UNC80: variants seen among roughly 807,000 people sequenced by gnomAD.
UNC80 encodes the protein unc-80 subunit of NALCN channel complex.
In UNC80, 164 loss-of-function variants were observed where a neutral mutation model predicts 384.6. The observed-to-expected ratio is 0.43, with a 90% CI of 0.38 to 0.49. UNC80 has a LOEUF of 0.49. UNC80 is among the 20% of genes least tolerant of loss of function. The pLI, the probability that UNC80 is intolerant of heterozygous loss-of-function variation, is 0.00. For synonymous variants in UNC80, 1,486 were observed against 1,527.8 expected (o/e 0.97, Z 0.64); for missense variants, 3,330 against 4,143.0 (o/e 0.80, Z 5.39).
chr2:209,972,143 A>G, intron 54 of UNC80, 58 bp from the exon 55 acceptor site: 1 of 1,530,768 alleles, frequency 6.5e-7, no homozygotes, highest in South Asian at 1.2e-5. Context: ...GTGTAAAAAC[A>G]AACATACTAA....
chr2:209,942,616 T>A (rs1249002833), intron 44 of UNC80, among the ~76,000 whole-genome samples: 1 of 152,176 alleles, frequency 6.6e-6, no homozygotes, highest in Non-Finnish European at 1.5e-5. Flanking sequence ...CAAAGTTAAG[T>A]TTGCTCAACC....
rs377308612 is a variant in UNC80, at chr2:209,982,328, A to G, written c.9257+11A>G. 375 of 1,549,160 alleles carry G rather than the reference A, an allele frequency of 2.4e-4. 2 individuals carry two copies. Among genetic ancestry groups the G allele is most frequent in the South Asian group, 1.4e-3 (115 of 83,706 alleles). On this transcript the variant is annotated intron_variant, in intron 60 of 64. Coordinates refer to ENST00000673920, the MANE Select transcript of UNC80 (RefSeq NM_001371986.1). ...GCTACCCAGCCAGAGGTAAACAGCT[A>G]TGGTTATACTGTACTCTGCATTTGG...
chr2:209,967,686 A>C, intron 52 of UNC80, 49 bp downstream of exon 52: 1 of 1,531,572 alleles, frequency 6.5e-7, no homozygotes, highest in Admixed American at 2.0e-5. Flanking sequence ...GTCAAAGTTA[A>C]GATTTGTCAT....
At chr2:209,991,677 CAT>C (rs751321665) in intron 61 of UNC80, among the ~76,000 whole-genome samples, 11 of 152,212 alleles carry the variant, frequency 7.2e-5, no homozygotes, top group African/African-American at 1.7e-4. Context: ...AGGCTGCAAA[CAT>C]GTGTTGAATG....
chr2:209,881,013 A>G lies in UNC80; in HGVS notation c.4029A>G (p.Ala1343=). 6.4e-7 allele frequency: 1 copy of G among 1,551,972 alleles called. No homozygotes were observed. Among genetic ancestry groups the G allele is most frequent in the Non-Finnish European group, 8.7e-7 (1 of 1,147,044 alleles). ...CGCPFALKMA[A]CQLLLEITTF... ...GCCCCTTTGCCTTGAAGATGGCAGC[A>G]TGTCAGCTTCTTCTGGAGATTACCA... Residue 1343 remains alanine (A), a synonymous_variant, in exon 25 of 65, where the codon GCA becomes GCG. Coordinates refer to ENST00000673920, the MANE Select transcript of UNC80 (RefSeq NM_001371986.1).
chr2:209,815,117 C>T (rs757460805), intron 8 of UNC80, 140 bp from the exon 9 acceptor site: 1 of 738,594 alleles, frequency 1.4e-6, no homozygotes, highest in South Asian at 3.6e-5. Flanking sequence ...ATTTGGATTC[C>T]AGAAGTCCAG....
chr2:209,775,881 A>G lies in UNC80; in HGVS notation c.142-8A>G, dbSNP rs776924665. 1 of 1,609,028 alleles carries G rather than the reference A, an allele frequency of 6.2e-7. No individual in the cohort carries two copies. The stretch of plus-strand genomic sequence containing the variant: ...CTTTTCTTATTGTTTTTGTTTTTGT[A>G]TTTACAGTCCTTTGAGCGAGTGTTG... On this transcript the variant is annotated splice_polypyrimidine_tract_variant and splice_region_variant and intron_variant, in intron 2 of 64. Coordinates refer to ENST00000673920, the MANE Select transcript of UNC80 (RefSeq NM_001371986.1).
chr2:209,879,681 T>C (rs2085108731), intron 24 of UNC80, among the ~76,000 whole-genome samples: 1 of 152,190 alleles, frequency 6.6e-6, no homozygotes, highest in Non-Finnish European at 1.5e-5. Flanking sequence ...AAGACACATA[T>C]AAGATTGATA....
chr2:209,914,354 A>G (rs1043175967), intron 31 of UNC80, among the ~76,000 whole-genome samples: 1 of 152,230 alleles, frequency 6.6e-6, no homozygotes, highest in Admixed American at 6.5e-5. Context: ...AATGTATTAA[A>G]ATGTAAGTGA....
chr2:209,853,109 A>C (rs1476412685), intron 22 of UNC80, among the ~76,000 whole-genome samples: 2 of 152,062 alleles, frequency 1.3e-5, no homozygotes, highest in African/African-American at 4.8e-5. Flanking sequence ...AGATTCCGCC[A>C]TTTCATCAAA....
At position 209,842,364 on chromosome 2, in the gene UNC80, T is replaced by G. The variant is rs199664663; in HGVS notation, c.3372T>G (p.Ser1124Arg). 3.8e-4 allele frequency: 595 copies of G among 1,550,762 alleles called. 6 individuals are homozygous for G. Among genetic ancestry groups the G allele is most frequent in the Non-Finnish European group, 8.2e-5 (94 of 1,146,548 alleles). Reference protein sequence around the residue: ...IRQSSKVKFTSAVKLSEGGPG... With the variant: ...IRQSSKVKFTRAVKLSEGGPG... ...TCTTTTTTCAGGTCAAATTCACTAG[T>G]GCTGTGAAGCTTTCTGAAGGTGGGC... The change falls in exon 21 of 65, where the codon AGT becomes AGG. Residue 1124 changes from serine to arginine, a missense_variant. Around this residue, in one of 8 missense-constraint regions of UNC80, gnomAD observed 801 missense variants for 950.8 expected, o/e 0.84. Coordinates refer to ENST00000673920, the MANE Select transcript of UNC80 (RefSeq NM_001371986.1).
intron 23 of UNC80, among the ~76,000 whole-genome samples, chr2:209,873,306 T>G (rs531771881): frequency 6.6e-6 from 1 of 152,344 alleles, no homozygotes; most frequent in Non-Finnish European, 1.5e-5. Flanking sequence ...ATTGCTATAT[T>G]CATCAAGAAT....
chr2:209,911,391 C>G (rs1272013435), intron 29 of UNC80, among the ~76,000 whole-genome samples: 1 of 152,116 alleles, frequency 6.6e-6, no homozygotes, highest in Admixed American at 6.6e-5. Flanking sequence ...ATATGTGTTC[C>G]CACATATGCA....
At position 209,967,595 on chromosome 2, in the gene UNC80, T is replaced by G; in HGVS notation, c.7964T>G (p.Leu2655Trp). The change falls in exon 52 of 65, where the codon TTG becomes TGG. Residue 2655 changes from leucine (L) to tryptophan (W), a missense_variant. Physicochemically the swap from Leu to Trp is moderately conservative, Grantham distance 61. Transcript: ENST00000673920. ...RPALILILKRLDRMFNKIHKM... is the reference protein window; with the variant it reads ...RPALILILKRWDRMFNKIHKM... ...GCCCTCATCCTCATTTTAAAAAGAT[T>G]GGATAGAATGTTCAACAAAATTCAT... 6.4e-7 allele frequency: 1 copy of G among 1,551,614 alleles called. No individual in the cohort carries two copies. Among genetic ancestry groups the G allele is most frequent in the Non-Finnish European group, 8.7e-7 (1 of 1,146,962 alleles).
At chr2:209,911,096 G>T (rs1036796162) in intron 29 of UNC80, among the ~76,000 whole-genome samples, 2 of 152,128 alleles carry the variant, frequency 1.3e-5, no homozygotes, top group Non-Finnish European at 2.9e-5. Flanking sequence ...TTACAATCAT[G>T]GTGGAAGGCA....
intron 3 of UNC80, among the ~76,000 whole-genome samples, chr2:209,776,764 T>A (rs1056175498): frequency 6.6e-6 from 1 of 152,250 alleles, no homozygotes; most frequent in Non-Finnish European, 1.5e-5. Context: ...GTACTGTGTA[T>A]GAGTATGTGT....
intron 5 of UNC80, among the ~76,000 whole-genome samples, chr2:209,788,145 G>C (rs1056060037): frequency 1.3e-5 from 2 of 152,152 alleles, no homozygotes; most frequent in Non-Finnish European, 2.9e-5. Context: ...GGCCGGGCGC[G>C]GTGGCTCACG....
chr2:209,846,284 A>G (rs533447655), intron 21 of UNC80, among the ~76,000 whole-genome samples: 1 of 152,278 alleles, frequency 6.6e-6, no homozygotes, highest in South Asian at 2.1e-4. Context: ...TGAACATGAA[A>G]TAGAATTGAA....
intron 18 of UNC80, among the ~76,000 whole-genome samples, chr2:209,835,241 C>T (rs2081260576): frequency 6.6e-6 from 1 of 152,154 alleles, no homozygotes; most frequent in Non-Finnish European, 1.5e-5. Flanking sequence ...CCAGTCTCTC[C>T]CTCACTTCTG....
Sources: gnomAD v4.1 joint callset for allele counts (sites outside exome capture counted in the v4.1 genomes callset) on GRCh38, gnomAD v4.1.1 for gene constraint, gnomAD v4.1.1 regional missense constraint, MANE v1.5 for transcripts, NCBI Gene and HGNC (gene_info 2026-07-23, HGNC 2026-07-21) for gene names.